The following THSD7A variants were observed in gnomAD, a reference collection of about 807,000 sequenced individuals.
The protein encoded by THSD7A is thrombospondin type-1 domain-containing protein 7A.
Under a neutral mutation model 231.3 loss-of-function variants are expected in THSD7A, and 96 were observed. That is an observed-to-expected ratio of 0.41 (90% CI 0.35 to 0.49). The LOEUF is 0.49. Ranked by LOEUF, THSD7A falls within the 20% of genes least tolerant of loss-of-function variation. The probability of loss-of-function intolerance (pLI) is 0.05; values close to 1 mark genes in which losing one functional copy is unlikely to be tolerated. For synonymous variants in THSD7A, 940 were observed against 743.3 expected (o/e 1.26, Z -4.30); for missense variants, 2,290 against 2,070.2 (o/e 1.11, Z -2.06).
intron 6 of THSD7A, among the ~76,000 whole-genome samples, chr7:11,532,533 C>G (rs558837387): frequency 6.6e-6 from 1 of 152,192 alleles, no homozygotes; most frequent in East Asian, 1.9e-4. Context: ...CATCAAGAGG[C>G]AGAGTCTATT....
chr7:11,700,540 G>T (rs1326429251), intron 1 of THSD7A, among the ~76,000 whole-genome samples: 1 of 151,036 alleles, frequency 6.6e-6, no homozygotes, highest in Admixed American at 6.6e-5. Context: ...AAAATGACAG[G>T]ATCTTTACAT....
chr7:11,568,501 T>G (rs1243873808), intron 4 of THSD7A, among the ~76,000 whole-genome samples: 1 of 151,594 alleles, frequency 6.6e-6, no homozygotes. Context: ...GGCAGGTGCC[T>G]GTAGTCCCAG....
chr7:11,719,133 A>G (rs1228241447), intron 1 of THSD7A, among the ~76,000 whole-genome samples: 2 of 151,622 alleles, frequency 1.3e-5, no homozygotes, highest in African/African-American at 4.8e-5. Flanking sequence ...CCCCCAGAAA[A>G]GGTAAGCCTT....
In THSD7A at chr7:11,460,655, C is replaced by T. The variant is rs906313833; in HGVS notation, c.2605+7G>A. The T allele has an allele frequency of 2.5e-6, 4 of 1,600,922 alleles. No homozygotes were observed. In the African/African-American group the frequency reaches 5.4e-5, roughly 21 times the overall value. ...GGAGAAATGAACTGTGGAATGGGGCCTCCCACCTCTTGCCTGTCGCCCAGG... is the reference window on the plus strand; with the variant it reads ...GGAGAAATGAACTGTGGAATGGGGCTTCCCACCTCTTGCCTGTCGCCCAGG... On this transcript the variant is annotated splice_region_variant and intron_variant, in intron 11 of 27. Coordinates refer to ENST00000423059, the MANE Select transcript of THSD7A (RefSeq NM_015204.3).
At chr7:11,546,224 A>ACG (rs1481399420) in intron 4 of THSD7A, among the ~76,000 whole-genome samples, 8 of 123,244 alleles carry the variant, frequency 6.5e-5, no homozygotes, top group East Asian at 2.1e-4. Context: ...ACACACACAC[A>ACG]CACACACGTG....
chr7:11,677,498 G>C (rs960358486), intron 1 of THSD7A, among the ~76,000 whole-genome samples: 1 of 143,550 alleles, frequency 7.0e-6, no homozygotes, highest in Non-Finnish European at 1.5e-5. Context: ...TCAGTGTGCT[G>C]TATTCAGGAG....
chr7:11,448,065 C>T (rs1169286510), intron 11 of THSD7A, among the ~76,000 whole-genome samples: 1 of 152,096 alleles, frequency 6.6e-6, no homozygotes, highest in Non-Finnish European at 1.5e-5. Context: ...TCCATCTCCT[C>T]TTTCTACAAG....
Position 11,636,915 on chromosome 7 carries a change from G to T in THSD7A, c.237C>A (p.Ile79=). 1.2e-6 allele frequency: 2 copies of T among 1,613,052 alleles called. No individual in the cohort carries two copies. The highest frequency in any genetic ancestry group is 1.7e-6 in the Non-Finnish European group (2 of 1,179,850). Reference sequence around the variant, plus strand: ...GAGCACACCACACAGCCCTCGTTTGGATGCCTCCGGGACCACATTCATCTC... The same window carrying T: ...GAGCACACCACACAGCCCTCGTTTGTATGCCTCCGGGACCACATTCATCTC... ...CMGDECGPGG[I]QTRAVWCAHV... Residue 79 remains isoleucine (I), a synonymous_variant, in exon 2 of 28, where the codon ATC becomes ATA. Transcript: ENST00000423059. The surrounding 1 kb of genome is among the most constrained non-coding windows in gnomAD (Gnocchi z 10.0).
intron 1 of THSD7A, among the ~76,000 whole-genome samples, chr7:11,674,653 A>G (rs957789654): frequency 3.3e-5 from 5 of 152,214 alleles, no homozygotes; most frequent in Non-Finnish European, 7.3e-5. Flanking sequence ...CGCCATAATC[A>G]TACTCACAAG....
chr7:11,736,292 G>C (rs150898358), intron 1 of THSD7A, among the ~76,000 whole-genome samples: 3 of 152,006 alleles, frequency 2.0e-5, no homozygotes, highest in African/African-American at 7.2e-5. Flanking sequence ...TTTCTATTTA[G>C]TAATATTTAA....
At chr7:11,409,220 T>C (rs983716096) in intron 19 of THSD7A, among the ~76,000 whole-genome samples, 1 of 152,144 alleles carries the variant, frequency 6.6e-6, no homozygotes, top group Admixed American at 6.5e-5. Context: ...TAATACTACA[T>C]AAATGCTAGT....
At chr7:11,552,714 C>A (rs1404401052) in intron 4 of THSD7A, among the ~76,000 whole-genome samples, 1 of 152,098 alleles carries the variant, frequency 6.6e-6, no homozygotes, top group Non-Finnish European at 1.5e-5. Context: ...AAAATGGCAA[C>A]CCCACCTTCC....
chr7:11,607,205 T>C (rs1780762738), intron 2 of THSD7A, among the ~76,000 whole-genome samples: 2 of 152,136 alleles, frequency 1.3e-5, no homozygotes, highest in Admixed American at 1.3e-4. Flanking sequence ...GAAATATATA[T>C]GTTTTCCGAC....
At chr7:11,731,316 G>T (rs1313501269) in intron 1 of THSD7A, among the ~76,000 whole-genome samples, 1 of 151,438 alleles carries the variant, frequency 6.6e-6, no homozygotes, top group African/African-American at 2.4e-5. Flanking sequence ...TAACTCCCCT[G>T]ATTATTGTGC....
At chr7:11,789,990 A>C (rs1324077507) in intron 1 of THSD7A, among the ~76,000 whole-genome samples, 3 of 152,030 alleles carry the variant, frequency 2.0e-5, no homozygotes, top group African/African-American at 7.2e-5. Flanking sequence ...GGTACCAAAA[A>C]GTTATAAAAA....
chr7:11,386,380 T>G (rs1213449223), intron 23 of THSD7A, among the ~76,000 whole-genome samples: 1 of 152,188 alleles, frequency 6.6e-6, no homozygotes. Context: ...TAGCATCCAT[T>G]GTATCCTGAC....
At chr7:11,695,693 G>A (rs889580745) in intron 1 of THSD7A, among the ~76,000 whole-genome samples, 1 of 151,540 alleles carries the variant, frequency 6.6e-6, no homozygotes, top group Admixed American at 6.6e-5. Context: ...TTGGTCCAAA[G>A]ATAGTAGGTT....
intron 1 of THSD7A, among the ~76,000 whole-genome samples, chr7:11,819,912 T>C (rs776679761): frequency 2.0e-4 from 30 of 152,136 alleles, no homozygotes; most frequent in Non-Finnish European, 3.8e-4. Flanking sequence ...AGTGGGAGAA[T>C]GGGAACATAA....
intron 1 of THSD7A, among the ~76,000 whole-genome samples, chr7:11,734,460 A>C (rs903718660): frequency 2.2e-4 from 34 of 151,990 alleles, no homozygotes; most frequent in African/African-American, 8.0e-4. Context: ...AATGTCTCAC[A>C]TACGTGGTCA....
Sources: allele counts gnomAD v4.1 joint callset (sites outside exome capture counted in the v4.1 genomes callset), GRCh38; gene constraint gnomAD v4.1.1; non-coding constraint Gnocchi (gnomAD v3.1); transcripts MANE v1.5; gene names NCBI Gene and HGNC (gene_info 2026-07-23, HGNC 2026-07-21).